KCNIP1: variants seen among roughly 807,000 people sequenced by gnomAD.
KCNIP1 encodes A-type potassium channel modulatory protein KCNIP1.
A neutral mutation model predicts 33.0 loss-of-function variants in KCNIP1; 18 were observed. The ratio of observed to expected loss-of-function variants is 0.55; its 90% confidence interval spans 0.38 to 0.81. The LOEUF is 0.81. KCNIP1 is among the 30% of genes least tolerant of loss of function. The pLI is 0.00. For synonymous variants in KCNIP1, 93 were observed against 98.3 expected (o/e 0.95, Z 0.32); for missense variants, 238 against 271.6 (o/e 0.88, Z 0.87).
At chr5:170,644,785 G>T (rs1760718992) in intron 1 of KCNIP1, among the ~76,000 whole-genome samples, 1 of 152,236 alleles carries the variant, frequency 6.6e-6, no homozygotes, top group South Asian at 2.1e-4. Context: ...TTCAGCAAAA[G>T]CCTCTTTGCT....
intron 1 of KCNIP1, among the ~76,000 whole-genome samples, chr5:170,647,024 A>C (rs1760812826): frequency 6.6e-6 from 1 of 152,210 alleles, no homozygotes; most frequent in Admixed American, 6.5e-5. Flanking sequence ...TGAAATACTT[A>C]TAATCTAAAT....
intron 1 of KCNIP1, among the ~76,000 whole-genome samples, chr5:170,705,969 TG>T (rs1763245220): frequency 6.6e-6 from 1 of 152,178 alleles, no homozygotes. Context: ...AGCTGCAAGG[TG>T]GGTATGATTC....
intron 1 of KCNIP1, among the ~76,000 whole-genome samples, chr5:170,521,381 T>C (rs1028513219): frequency 2.0e-5 from 3 of 152,248 alleles, no homozygotes; most frequent in Non-Finnish European, 4.4e-5. Context: ...CAGTGCAGGC[T>C]GTCTCTCTGC....
chr5:170,568,826 AAAG>A (rs1444959304), intron 1 of KCNIP1, among the ~76,000 whole-genome samples: 1 of 151,948 alleles, frequency 6.6e-6, no homozygotes, highest in African/African-American at 2.4e-5. Context: ...CCATCTCAAA[AAAG>A]AAAAGACAAA....
chr5:170,664,964 C>T (rs535008567), intron 1 of KCNIP1, among the ~76,000 whole-genome samples: 1 of 152,250 alleles, frequency 6.6e-6, no homozygotes, highest in South Asian at 2.1e-4. Context: ...AGCCTCTAAT[C>T]CATTTTGCTA....
At chr5:170,501,616 G>A (rs983352772), upstream of KCNIP1, among the ~76,000 whole-genome samples, 5 of 152,240 alleles carry the variant, frequency 3.3e-5, no homozygotes, top group African/African-American at 9.6e-5. Flanking sequence ...AAGCAGAAAT[G>A]AGAGGATGAC....
At chr5:170,631,073 T>C (rs896603091) in intron 1 of KCNIP1, among the ~76,000 whole-genome samples, 2 of 152,168 alleles carry the variant, frequency 1.3e-5, no homozygotes, top group African/African-American at 4.8e-5. Flanking sequence ...TCCAACCAGA[T>C]GACTTCCTTC....
intron 4 of KCNIP1, among the ~76,000 whole-genome samples, chr5:170,722,246 C>A (rs1477903239): frequency 6.6e-6 from 1 of 152,102 alleles, no homozygotes; most frequent in East Asian, 1.9e-4. Context: ...TTATTGATTA[C>A]CTTTTTACAG....
chr5:170,683,737 T>A (rs1020663130), intron 1 of KCNIP1, among the ~76,000 whole-genome samples: 2 of 151,734 alleles, frequency 1.3e-5, no homozygotes, highest in Admixed American at 1.3e-4. Flanking sequence ...TTTTTTTTTT[T>A]CTTCGAGACT....
chr5:170,480,596 C>G (rs901308029), intron 1 of KCNIP1, among the ~76,000 whole-genome samples: 1 of 151,702 alleles, frequency 6.6e-6, no homozygotes, highest in Admixed American at 6.6e-5. Context: ...CATGCCACCA[C>G]GCCTGGTTAA....
At chr5:170,650,946 T>C (rs1013846262) in intron 1 of KCNIP1, among the ~76,000 whole-genome samples, 1 of 152,222 alleles carries the variant, frequency 6.6e-6, no homozygotes, top group Non-Finnish European at 1.5e-5. Context: ...ACAACTCTAT[T>C]TTCCACTAAG....
At chr5:170,697,030 T>TCTC (rs1035702601) in intron 1 of KCNIP1, among the ~76,000 whole-genome samples, 1 of 151,442 alleles carries the variant, frequency 6.6e-6, no homozygotes, top group East Asian at 1.9e-4. Context: ...TCTCTTTCTC[T>TCTC]CTCCTCCTCC....
intron 1 of KCNIP1, among the ~76,000 whole-genome samples, chr5:170,430,949 G>A (rs1157784160): frequency 6.6e-6 from 1 of 152,170 alleles, no homozygotes; most frequent in Admixed American, 6.5e-5. Context: ...TCATGGCTGG[G>A]AACATTCAGG....
At chr5:170,681,396 G>A (rs903723548) in intron 1 of KCNIP1, 9 of 349,776 alleles carry the variant, frequency 2.6e-5, no homozygotes, top group Admixed American at 4.7e-5. Flanking sequence ...GGGGAGTGCG[G>A]GAGCCAGGAA....
At chr5:170,691,690 C>T (rs1463207011) in intron 1 of KCNIP1, among the ~76,000 whole-genome samples, 1 of 152,174 alleles carries the variant, frequency 6.6e-6, no homozygotes, top group Non-Finnish European at 1.5e-5. Context: ...ATGTGGCCCA[C>T]AGGCAGCTGG....
chr5:170,614,122 A>C (rs1759280631), intron 1 of KCNIP1, among the ~76,000 whole-genome samples: 2 of 152,256 alleles, frequency 1.3e-5, no homozygotes, highest in South Asian at 2.1e-4. Context: ...AGATGGGAAC[A>C]GCTGGCGAGG....
At chr5:170,412,469 A>G (rs1160306765) in intron 1 of KCNIP1, among the ~76,000 whole-genome samples, 1 of 152,170 alleles carries the variant, frequency 6.6e-6, no homozygotes, top group African/African-American at 2.4e-5. Flanking sequence ...CAAGGGGGAA[A>G]GAGGAAAAAT....
rs1052615145 is a variant in KCNIP1, at chr5:170,408,968, A to G, written c.88+55004A>G. Among the ~76,000 whole-genome samples the G allele has an allele frequency of 3.9e-5, 6 of 152,182 alleles. 1 individual carries two copies. Among genetic ancestry groups the G allele is most frequent in the African/African-American group, 1.4e-4 (6 of 41,438 alleles). On this transcript the variant is annotated intron_variant, in intron 1 of 7. Transcript: ENST00000377360. ...GTGCCATCAATAGCACACACTCCCC[A>G]GGCACTGCAAAGTGGGCAAGCAGGT...
At chr5:170,407,387 G>A (rs1024702950) in intron 1 of KCNIP1, among the ~76,000 whole-genome samples, 4 of 152,154 alleles carry the variant, frequency 2.6e-5, no homozygotes, top group Admixed American at 6.5e-5. Context: ...AAAGGTAAGG[G>A]TACTGTCTGC....
Sources: allele counts gnomAD v4.1 joint callset (sites outside exome capture counted in the v4.1 genomes callset), GRCh38; gene constraint gnomAD v4.1.1; transcripts MANE v1.5; gene names NCBI Gene and HGNC (gene_info 2026-07-23, HGNC 2026-07-21).